The following SIGLEC5 variants were observed in gnomAD, a reference collection of about 807,000 sequenced individuals.
SIGLEC5 encodes the protein sialic acid-binding Ig-like lectin 5.
SIGLEC5 carries 34 observed loss-of-function variants against 45.9 expected under a neutral mutation model. The ratio of observed to expected loss-of-function variants is 0.74; its 90% CI spans 0.56 to 0.99. The LOEUF (loss-of-function observed/expected upper bound fraction) is 0.99. SIGLEC5 is among the 50% of genes least tolerant of loss of function. SIGLEC5 has a pLI of 0.00. For synonymous variants in SIGLEC5, 203 were observed against 258.6 expected, an observed-to-expected ratio of 0.79 and a Z score of 2.06; for missense variants, 508 against 629.6, an observed-to-expected ratio of 0.81 and a Z score of 2.07.
At position 51,627,923 on chromosome 19, in the gene SIGLEC5, C is replaced by T; in HGVS notation, c.908G>A (p.Arg303Gln). 1 of 1,614,116 alleles carries T rather than the reference C, an allele frequency of 6.2e-7. No homozygotes were observed. Among genetic ancestry groups the T allele is most frequent in the Non-Finnish European group, 8.5e-7 (1 of 1,180,004 alleles). ...GCCTCCTTCTTCTGCAGACCTTACT[C>T]GACGAAGCTCCAAGATCCCGGTATT... ...ISNTGILELR[R>Q]VRSAEEGGFT... is the part of the protein sequence containing the mutation. Residue 303 changes from arginine (R) to glutamine (Q), a missense_variant, in exon 5 of 9, where the codon CGA (arginine) becomes CAA (glutamine). Physicochemically the swap from Arg to Gln is conservative, Grantham distance 43. This residue lies in a region of SIGLEC5 where 431 missense variants were observed against 428.8 expected (regional missense o/e 1.01). Transcript: ENST00000683636.
At position 51,629,095 on chromosome 19, in the gene SIGLEC5, A is replaced by C. The variant is rs1387069754; in HGVS notation, c.701-19T>G. ...GGAGCATCTGGGATAAAAAGATATA[A>C]ACTTGGCTTCAGCAGTGAGGAGTGA... On this transcript the variant is annotated intron_variant, in intron 3 of 8. Transcript: ENST00000683636. 6.2e-7 allele frequency: 1 copy of C among 1,613,458 alleles called. No individual in the cohort carries two copies. Among genetic ancestry groups the C allele is most frequent in the Non-Finnish European group, 8.5e-7 (1 of 1,179,696 alleles).
chr19:51,628,620 C>T (rs547487243), intron 4 of SIGLEC5, among the ~76,000 whole-genome samples: 5 of 145,246 alleles, frequency 3.4e-5, no homozygotes, highest in South Asian at 2.2e-4. Context: ...TACATGTGTG[C>T]GTGTGTGGGT....
At chr19:51,612,523 T>A (rs1600097398) in intron 8 of SIGLEC5, 101 bp from the exon 9 acceptor site, 1 of 897,868 alleles carries the variant, frequency 1.1e-6, no homozygotes, top group African/African-American at 1.7e-5. Context: ...TTATTTTGAA[T>A]GTAAGTTGGA....
chr19:51,615,165 T>C (rs1237638445), intron 8 of SIGLEC5, among the ~76,000 whole-genome samples: 1 of 152,188 alleles, frequency 6.6e-6, no homozygotes, highest in Non-Finnish European at 1.5e-5. Context: ...ATAGTTCTTG[T>C]CAAAAGAGTG....
intron 8 of SIGLEC5, among the ~76,000 whole-genome samples, chr19:51,613,242 A>G (rs963455862): frequency 6.6e-6 from 1 of 152,192 alleles, no homozygotes; most frequent in African/African-American, 2.4e-5. Context: ...GTGCCAGGAT[A>G]AAGGAGTATT....
In SIGLEC5 at chr19:51,627,515, C is replaced by CAGCT. The variant is rs1345690631; in HGVS notation, c.1225_1228dup (p.Cys410Ter). The CAGCT allele has an allele frequency of 3.7e-6, 6 of 1,613,918 alleles. No individual in the cohort carries two copies. The highest frequency in any genetic ancestry group is 5.1e-6 in the Non-Finnish European group (6 of 1,180,020). On this transcript the variant is annotated stop_gained and frameshift_variant, in exon 6 of 9. Coordinates refer to ENST00000683636, the MANE Select transcript of SIGLEC5 (RefSeq NM_003830.4). LOFTEE classifies it high-confidence loss of function. ...GGACCCATAGATGTTCCAGGCCTTG[C>CAGCT]AGCTGACTTTGAGGTCGGAGCTGAG...
intron 8 of SIGLEC5, 32 bp downstream of exon 8, chr19:51,626,000 C>T (rs372894396): frequency 5.9e-5 from 92 of 1,571,750 alleles, no homozygotes; most frequent in Middle Eastern, 3.5e-4. Flanking sequence ...TCCGAGTGGA[C>T]ATGCACATGA....
In SIGLEC5 at chr19:51,627,752, G is replaced by T; in HGVS notation, c.998-6C>A. The T allele has an allele frequency of 6.3e-7, 1 of 1,577,966 alleles. No individual in the cohort carries two copies. The highest frequency in any genetic ancestry group is 1.3e-5 in the African/African-American group (1 of 74,198). ...GCCCAGCAACTGTGGGAGGGCTGTG[G>T]GGAGGGAGGACAGAACTCAGCAGGG... On this transcript the variant is annotated splice_region_variant and splice_polypyrimidine_tract_variant and intron_variant, in intron 5 of 8. Transcript: ENST00000683636.
chr19:51,615,872 G>A (rs1017389599), intron 8 of SIGLEC5, among the ~76,000 whole-genome samples: 6 of 152,180 alleles, frequency 3.9e-5, no homozygotes, highest in African/African-American at 1.4e-4. Flanking sequence ...CACCTCCCAG[G>A]TTCAAGAGAT....
intron 3 of SIGLEC5, 127 bp downstream of exon 3, chr19:51,629,231 A>G (rs1320229789): frequency 4.5e-6 from 7 of 1,547,496 alleles, no homozygotes; most frequent in East Asian, 2.3e-5. Flanking sequence ...TCCACACACA[A>G]GGTTTCTCAA....
At position 51,611,140 on chromosome 19, in the gene SIGLEC5, C is replaced by T. The variant is rs1982836906; in HGVS notation, c.*1091G>A. Among the ~76,000 whole-genome samples, 1 of 152,170 alleles carries T rather than the reference C, an allele frequency of 6.6e-6. No homozygotes were observed. Among genetic ancestry groups the T allele is most frequent in the Non-Finnish European group, 1.5e-5 (1 of 68,026 alleles). ...TCCACTGGAATTATCCACTCATTTC[C>T]TCATGACCACTTGCTGAAGTTTCTA... On this transcript the variant is annotated 3_prime_UTR_variant, in exon 9 of 9. Transcript: ENST00000683636.
Position 51,629,145 on chromosome 19 carries a change from C to G in SIGLEC5, c.701-69G>C, listed in dbSNP as rs375141282. 6.4e-4 allele frequency: 1,010 copies of G among 1,573,008 alleles called. 12 individuals carry two copies. The highest frequency in any genetic ancestry group is 1.4e-4 in the Non-Finnish European group (163 of 1,150,392). On this transcript the variant is annotated intron_variant, in intron 3 of 8. Transcript: ENST00000683636. ...AGATGGGCATGGGCCCAGGAGGTAC[C>G]CAAAGAGGAGCCACAGAAACCCACC...
At chr19:51,629,751 G>T in intron 2 of SIGLEC5, 82 bp downstream of exon 2, 1 of 1,029,846 alleles carries the variant, frequency 9.7e-7, no homozygotes, top group Non-Finnish European at 1.4e-6. Flanking sequence ...ACCTCCTCCA[G>T]CCGCCCCTGC....
chr19:51,618,209 T>C (rs1032471764), intron 8 of SIGLEC5, among the ~76,000 whole-genome samples: 1 of 151,790 alleles, frequency 6.6e-6, no homozygotes, highest in African/African-American at 2.4e-5. Context: ...TCAGTAACCA[T>C]AATAAATACC....
intron 4 of SIGLEC5, 33 bp from the exon 5 acceptor site, chr19:51,628,124 GGGGCCA>G (rs772953068): frequency 1.3e-6 from 2 of 1,498,218 alleles, no homozygotes; most frequent in South Asian, 1.4e-5. Context: ...AAAGAGAGAT[GGGGCCA>G]GGGAGGCTGA....
At chr19:51,617,676 C>A (rs1046013301) in intron 8 of SIGLEC5, among the ~76,000 whole-genome samples, 1 of 151,872 alleles carries the variant, frequency 6.6e-6, no homozygotes, top group South Asian at 2.1e-4. Flanking sequence ...GGAACCCAAA[C>A]TGAAAACCCA....
At position 51,624,596 on chromosome 19, in the gene SIGLEC5, G is replaced by C. The variant is rs180809995; in HGVS notation, c.1464+1436C>G. Among the ~76,000 whole-genome samples the C allele has an allele frequency of 1.2e-3, 188 of 152,216 alleles. 1 individual carries two copies. Among genetic ancestry groups the C allele is most frequent in the Admixed American group, 0.011 (169 of 15,286 alleles). On this transcript the variant is annotated intron_variant, in intron 8 of 8. Coordinates refer to ENST00000683636, the MANE Select transcript of SIGLEC5 (RefSeq NM_003830.4). ...ACTAGATCAATTTTATAAAAGAGGA[G>C]AGGAGACACGCTGGACAGAAACAGC... is the stretch of plus-strand genomic sequence containing the variant.
At chr19:51,615,925 T>C (rs992890252) in intron 8 of SIGLEC5, among the ~76,000 whole-genome samples, 6 of 152,190 alleles carry the variant, frequency 3.9e-5, no homozygotes, top group African/African-American at 1.2e-4. Flanking sequence ...TACAGGCATG[T>C]GCCACCACAC....
chr19:51,616,152 G>A (rs1983046705), intron 8 of SIGLEC5, among the ~76,000 whole-genome samples: 1 of 152,202 alleles, frequency 6.6e-6, no homozygotes, highest in African/African-American at 2.4e-5. Flanking sequence ...AACACTGCCA[G>A]AGTAGCCAAT....
Sources: gnomAD v4.1 joint callset for allele counts (sites outside exome capture counted in the v4.1 genomes callset) on GRCh38, gnomAD v4.1.1 for gene constraint, gnomAD v4.1.1 regional missense constraint, MANE v1.5 for transcripts, NCBI Gene and HGNC (gene_info 2026-07-23, HGNC 2026-07-21) for gene names.